Variants in MYCBP2 observed in about 807,000 individuals in gnomAD.
MYCBP2 encodes the protein MYC binding protein 2.
A neutral mutation model predicts 525.3 loss-of-function variants in MYCBP2; 120 were observed. The ratio of observed to expected loss-of-function variants is 0.23; its 90% confidence interval spans 0.20 to 0.27. The LOEUF (loss-of-function observed/expected upper bound fraction) is 0.27. Ranked by LOEUF, MYCBP2 falls within the 10% of genes least tolerant of loss-of-function variation. The pLI, the probability that MYCBP2 is intolerant of heterozygous loss-of-function variation, is 1.00. For missense variants in MYCBP2, 4,149 were observed against 5,657.1 expected, an observed-to-expected ratio of 0.73 and a Z score of 8.55; for synonymous variants, 1,894 against 1,955.8, an observed-to-expected ratio of 0.97 and a Z score of 0.83.
In MYCBP2 at chr13:77,044,683, A is replaced by G. The variant is rs944997520; in HGVS notation, c.*695T>C. The G allele has an allele frequency of 5.0e-6, 2 of 398,582 alleles. No individual in the cohort carries two copies. Among genetic ancestry groups the G allele is most frequent in the East Asian group, 3.6e-5 (1 of 27,988 alleles). The allele number at this position is 398,582 out of a possible 1,614,324, so 24.7% of individuals were successfully genotyped here. A position where few individuals can be genotyped will look rare whatever the true frequency, so the allele number is the denominator to read the frequency against. On this transcript the variant is annotated 3_prime_UTR_variant, in exon 83 of 83. Transcript: ENST00000544440. The stretch of plus-strand genomic sequence containing the variant: ...AGACTTTATCACTGTATAAAAATGT[A>G]CAGTGGTTTTATTGACATGTACATT...
At chr13:77,092,858 T>A (rs1431401185) in intron 59 of MYCBP2, among the ~76,000 whole-genome samples, 1 of 152,206 alleles carries the variant, frequency 6.6e-6, no homozygotes, top group African/African-American at 2.4e-5. Context: ...AGATTTATTT[T>A]CAATGCCACT....
intron 1 of MYCBP2, among the ~76,000 whole-genome samples, chr13:77,302,034 G>T (rs181302884): frequency 6.6e-6 from 1 of 152,038 alleles, no homozygotes; most frequent in African/African-American, 2.4e-5. Context: ...AAAATGGGAT[G>T]AACCAAACAG....
chr13:77,180,367 T>C (rs766603188), intron 33 of MYCBP2, 49 bp from the exon 34 acceptor site: 3 of 1,507,498 alleles, frequency 2.0e-6, no homozygotes, highest in South Asian at 1.2e-5. Context: ...TTTTCCTTCA[T>C]AGGAGTACTC....
rs529355519 is a variant in MYCBP2, at chr13:77,202,329, C to T, written c.3843+2927G>A. On this transcript the variant is annotated intron_variant, in intron 26 of 82. Coordinates refer to ENST00000544440, the MANE Select transcript of MYCBP2 (RefSeq NM_015057.5). Reference sequence around the variant, plus strand: ...GGGATTCCTGGACACATACACTCTCCCAAGACTAAACCAGGAAGAAGTTGA... The same window carrying T: ...GGGATTCCTGGACACATACACTCTCTCAAGACTAAACCAGGAAGAAGTTGA... Among the ~76,000 whole-genome samples, 362 of 152,230 alleles carry T rather than the reference C, an allele frequency of 2.4e-3. 4 individuals carry two copies. The highest frequency in any genetic ancestry group is 8.5e-3 in the African/African-American group (352 of 41,546).
chr13:77,072,192 G>A (rs992425059), intron 68 of MYCBP2, among the ~76,000 whole-genome samples: 5 of 151,662 alleles, frequency 3.3e-5, no homozygotes, highest in African/African-American at 1.2e-4. Context: ...TTGGGAGGCT[G>A]AGGCAGGAGA....
chr13:77,136,786 G>A lies in MYCBP2; in HGVS notation c.7659+2410C>T, dbSNP rs137887130. Among the ~76,000 whole-genome samples the A allele has an allele frequency of 9.9e-3, 1,506 of 151,734 alleles. 24 individuals carry two copies. Among genetic ancestry groups the A allele is most frequent in the African/African-American group, 0.034 (1,418 of 41,328 alleles). On this transcript the variant is annotated intron_variant, in intron 52 of 82. Coordinates refer to ENST00000544440, the MANE Select transcript of MYCBP2 (RefSeq NM_015057.5). ...TAGTCTCCCTCAACCTCTTCCCTTC[G>A]TCCCTCCCTCCTCTAAAACATAACT...
At chr13:77,094,093 T>C (rs1192940991) in intron 58 of MYCBP2, among the ~76,000 whole-genome samples, 2 of 152,174 alleles carry the variant, frequency 1.3e-5, no homozygotes, top group African/African-American at 4.8e-5. Flanking sequence ...TCTGATATTT[T>C]CATTTTTGTT....
At chr13:77,063,726 T>C (rs1051242376) in intron 73 of MYCBP2, among the ~76,000 whole-genome samples, 14 of 152,084 alleles carry the variant, frequency 9.2e-5, no homozygotes, top group Admixed American at 7.9e-4. Flanking sequence ...TGAGTGTTAT[T>C]GGATACAGAA....
rs1449670182 is a variant in MYCBP2, at chr13:77,326,831, A to T, written c.-56T>A. On this transcript the variant is annotated 5_prime_UTR_variant, in exon 1 of 83. Transcript: ENST00000544440. This position sits in a 1 kb window ranked among gnomAD's most constrained non-coding sequence, Gnocchi z 4.2. Reference sequence around the variant, plus strand: ...GTCCCCGCGGGCCGGGCGGGCAGACACGCGCGCGCACACACAGCCCTTTTC... The same window carrying T: ...GTCCCCGCGGGCCGGGCGGGCAGACTCGCGCGCGCACACACAGCCCTTTTC... 8.0e-6 allele frequency: 11 copies of T among 1,367,582 alleles called. No individual in the cohort carries two copies. Among genetic ancestry groups the T allele is most frequent in the Non-Finnish European group, 1.0e-5 (11 of 1,071,446 alleles). 84.7% of individuals were successfully genotyped at this position (1,367,582 alleles called of 1,614,324 possible).
rs780289297 is a variant in MYCBP2 at position 77,070,734 on chromosome 13, A to AG, written c.11824-24_11824-23insC. 4.0e-6 allele frequency: 6 copies of AG among 1,515,324 alleles called. No individual in the cohort carries two copies. The South Asian group carries it at 5.0e-5, about 13-fold the overall frequency. 93.9% of individuals were successfully genotyped at this position (1,515,324 alleles called of 1,614,324 possible). On this transcript the variant is annotated intron_variant, in intron 68 of 82. Coordinates refer to ENST00000544440, the MANE Select transcript of MYCBP2 (RefSeq NM_015057.5). ...TGCCTTTACATAGAAAAAGAAAAAA[A>AG]AAAAAAAGAATGAAGTGGTCTCTTT...
At position 77,177,759 on chromosome 13, in the gene MYCBP2, A is replaced by G; in HGVS notation, c.5329T>C (p.Leu1777=). The change falls in exon 35 of 83, where the codon TTG becomes CTG. Residue 1777 remains leucine, a synonymous_variant. Coordinates refer to ENST00000544440, the MANE Select transcript of MYCBP2 (RefSeq NM_015057.5). ...GGIHEYELEV[L]VDDSEHAGDS... Reference sequence around the variant, plus strand: ...AGGGTGATACTTACATCATCAACCAACACCTCTAATTCATATTCATGAATT... The same window carrying G: ...AGGGTGATACTTACATCATCAACCAGCACCTCTAATTCATATTCATGAATT... 6.2e-7 allele frequency: 1 copy of G among 1,611,860 alleles called. No homozygotes were observed.
Position 77,067,712 on chromosome 13 carries a change from C to T in MYCBP2, c.12324G>A (p.Met4108Ile). ...GDWNKLGILD[M>I]FLGCIAKALT... ...GTGCTTTGGCAATGCATCCTAGAAA[C>T]ATGTCCAAGATACCCAGCTTATTCC... is the stretch of plus-strand genomic sequence containing the variant. Residue 4108 changes from methionine to isoleucine, a missense_variant, in exon 71 of 83, where the codon ATG becomes ATA. Met to Ile is a conservative substitution (Grantham distance 10). Coordinates refer to ENST00000544440, the MANE Select transcript of MYCBP2 (RefSeq NM_015057.5). The T allele has an allele frequency of 6.2e-7, 1 of 1,614,142 alleles. No individual in the cohort carries two copies. Among genetic ancestry groups the T allele is most frequent in the South Asian group, 1.1e-5 (1 of 91,072 alleles).
chr13:77,243,972 A>AG (rs1272381287), intron 15 of MYCBP2, 21 bp from the exon 16 acceptor site: 3 of 1,506,698 alleles, frequency 2.0e-6, no homozygotes, highest in Admixed American at 2.4e-5. Flanking sequence ...ATACAAAAAA[A>AG]AAAAAAAAAG....
intron 43 of MYCBP2, 98 bp downstream of exon 43, chr13:77,164,356 A>T (rs1242975743): frequency 2.7e-6 from 2 of 741,846 alleles, no homozygotes; most frequent in African/African-American, 3.5e-5. Flanking sequence ...ATATGAGATT[A>T]CAAAATTCAT....
At chr13:77,217,613 A>C (rs80327140) in intron 21 of MYCBP2, among the ~76,000 whole-genome samples, 1,953 of 152,274 alleles carry the variant, frequency 0.013, 41 homozygotes, top group African/African-American at 0.045. Context: ...ATTCTAACAA[A>C]GCTGTTAAAT....
chr13:77,130,278 A>G (rs554871871), intron 52 of MYCBP2, among the ~76,000 whole-genome samples: 13 of 151,808 alleles, frequency 8.6e-5, no homozygotes, highest in Admixed American at 1.3e-4. Context: ...TTCCTTATCA[A>G]TTATAAGTCA....
intron 45 of MYCBP2, 111 bp from the exon 46 acceptor site, chr13:77,156,313 A>C (rs1343818249): frequency 1.0e-6 from 1 of 970,520 alleles, no homozygotes; most frequent in East Asian, 2.6e-5. Flanking sequence ...CAAAATGCTA[A>C]AACATTATCT....
chr13:77,088,208 C>T (rs931425623), intron 61 of MYCBP2, among the ~76,000 whole-genome samples: 9 of 151,920 alleles, frequency 5.9e-5, no homozygotes, highest in Non-Finnish European at 1.2e-4. Flanking sequence ...AATATTTTTT[C>T]AAATCACATT....
intron 1 of MYCBP2, among the ~76,000 whole-genome samples, chr13:77,322,532 A>C (rs2154383493): frequency 6.6e-6 from 1 of 152,366 alleles, no homozygotes; most frequent in South Asian, 2.1e-4. Flanking sequence ...GTGGAAAAAC[A>C]TACAGTGCCA....
Sources: gnomAD v4.1 joint callset for allele counts (sites outside exome capture counted in the v4.1 genomes callset) on GRCh38, gnomAD v4.1.1 for gene constraint, Gnocchi (gnomAD v3.1) non-coding constraint, MANE v1.5 for transcripts, NCBI Gene and HGNC (gene_info 2026-07-23, HGNC 2026-07-21) for gene names.